Variants in TMEM44 observed in about 807,000 individuals in gnomAD.
TMEM44 encodes transmembrane protein 44.
In TMEM44, 43 loss-of-function variants were observed where a neutral mutation model predicts 47.8. The ratio of observed to expected loss-of-function variants is 0.90; its 90% CI spans 0.70 to 1.16. The LOEUF is 1.16. Ranked by LOEUF, TMEM44 falls within the 50% of genes most tolerant of loss-of-function variation. TMEM44 has a pLI of 0.00. For synonymous variants in TMEM44, 277 were observed against 238.8 expected (o/e 1.16, Z -1.48); for missense variants, 568 against 555.2 (o/e 1.02, Z -0.23).
At chr3:194,623,148 T>C (rs1229223512) in intron 5 of TMEM44, 76 bp downstream of exon 5, 5 of 1,425,642 alleles carry the variant, frequency 3.5e-6, no homozygotes, top group Non-Finnish European at 4.8e-6. Context: ...CTCCGCCCCA[T>C]GACCCTCTCA....
intron 7 of TMEM44, among the ~76,000 whole-genome samples, chr3:194,612,125 T>G (rs1285904388): frequency 6.6e-6 from 1 of 152,200 alleles, no homozygotes; most frequent in Non-Finnish European, 1.5e-5. Flanking sequence ...CCCCCAAATC[T>G]GCATTTCTCA....
chr3:194,606,924 G>T (rs1274310294), intron 8 of TMEM44, among the ~76,000 whole-genome samples: 11 of 131,396 alleles, frequency 8.4e-5, no homozygotes, highest in Middle Eastern at 5.4e-3. Context: ...CTGCACTCCA[G>T]CCTGGGCGAC....
intron 8 of TMEM44, among the ~76,000 whole-genome samples, chr3:194,610,177 T>C (rs1715162517): frequency 1.3e-5 from 2 of 150,900 alleles, no homozygotes; most frequent in South Asian, 2.1e-4. Context: ...GCTGAGATCA[T>C]GCCACTGTAC....
At chr3:194,593,629 C>G (rs965163255) in intron 9 of TMEM44, among the ~76,000 whole-genome samples, 3 of 152,188 alleles carry the variant, frequency 2.0e-5, no homozygotes, top group African/African-American at 7.2e-5. Context: ...GCACCTCCTG[C>G]AGCGCCTGGG....
chr3:194,594,158 TCTA>T (rs1713118593), intron 9 of TMEM44, among the ~76,000 whole-genome samples: 2 of 151,376 alleles, frequency 1.3e-5, no homozygotes, highest in African/African-American at 4.9e-5. Flanking sequence ...TATCTATCTA[TCTA>T]TCTATATCTA....
chr3:194,626,008 G>A lies in TMEM44; in HGVS notation c.265-18C>T, dbSNP rs1157048923. The A allele has an allele frequency of 2.3e-5, 37 of 1,581,712 alleles. No homozygotes were observed. The highest frequency in any genetic ancestry group is 3.0e-5 in the Non-Finnish European group (35 of 1,150,920). On this transcript the variant is annotated intron_variant, in intron 2 of 9. Transcript: ENST00000347147. ...GTGAAAACCTGGGAGCAAACGGGAA[G>A]AGAGTCTTGGCATTCAAGCATCTTT...
intron 1 of TMEM44, 152 bp downstream of exon 1, chr3:194,632,927 C>A: frequency 8.7e-7 from 1 of 1,146,710 alleles, no homozygotes; most frequent in Non-Finnish European, 1.2e-6. Flanking sequence ...GATCCCACTT[C>A]AGTCTACAGA....
At chr3:194,590,603 C>T (rs1300938859) in intron 9 of TMEM44, among the ~76,000 whole-genome samples, 1 of 152,182 alleles carries the variant, frequency 6.6e-6, no homozygotes, top group Non-Finnish European at 1.5e-5. Context: ...GGTTTCTAAG[C>T]TGAGGCCTGA....
At chr3:194,602,164 C>T (rs1333485062) in intron 9 of TMEM44, among the ~76,000 whole-genome samples, 3 of 152,206 alleles carry the variant, frequency 2.0e-5, no homozygotes, top group Non-Finnish European at 4.4e-5. Flanking sequence ...GAATATGAAC[C>T]CAAAGGATGC....
intron 9 of TMEM44, among the ~76,000 whole-genome samples, chr3:194,601,238 G>C (rs1448831005): frequency 6.6e-6 from 1 of 151,312 alleles, no homozygotes; most frequent in African/African-American, 2.4e-5. Flanking sequence ...CCGCCCCTCC[G>C]GGTTCAAACG....
At chr3:194,590,876 G>A (rs934398620) in intron 9 of TMEM44, among the ~76,000 whole-genome samples, 10 of 152,310 alleles carry the variant, frequency 6.6e-5, no homozygotes, top group Non-Finnish European at 1.5e-4. Flanking sequence ...ACAGAAACCT[G>A]TCACTTTGAT....
intron 9 of TMEM44, among the ~76,000 whole-genome samples, chr3:194,591,108 C>G (rs557869994): frequency 6.6e-6 from 1 of 152,128 alleles, no homozygotes; most frequent in Admixed American, 6.5e-5. Context: ...ACAAGAGAAT[C>G]GCTTGAACCT....
At chr3:194,588,727 A>G (rs1001896554) in intron 9 of TMEM44, 88 bp from the exon 10 acceptor site, 1 of 1,304,504 alleles carries the variant, frequency 7.7e-7, no homozygotes, top group Non-Finnish European at 1.1e-6. Context: ...AAAAGCTCCA[A>G]TCTTGGTTCT....
intron 9 of TMEM44, among the ~76,000 whole-genome samples, chr3:194,597,541 T>A (rs948220203): frequency 6.6e-6 from 1 of 150,928 alleles, no homozygotes; most frequent in African/African-American, 2.4e-5. Flanking sequence ...GTGCCTGTAG[T>A]CCCAGCTACT....
At chr3:194,623,445 C>T (rs1716794765) in intron 4 of TMEM44, 84 bp downstream of exon 4, 2 of 1,509,410 alleles carry the variant, frequency 1.3e-6, no homozygotes, top group Non-Finnish European at 1.8e-6. Flanking sequence ...TAACCCCACT[C>T]CCCTAGCCCC....
intron 5 of TMEM44, 60 bp from the exon 6 acceptor site, chr3:194,617,329 C>T (rs938943570): frequency 1.4e-6 from 2 of 1,455,174 alleles, no homozygotes; most frequent in Non-Finnish European, 1.8e-6. Flanking sequence ...ACCCAGGGCC[C>T]TCAGTGGCAC....
intron 5 of TMEM44, among the ~76,000 whole-genome samples, chr3:194,618,282 C>G (rs927262176): frequency 6.6e-5 from 10 of 152,056 alleles, no homozygotes; most frequent in Non-Finnish European, 1.3e-4. Context: ...ACTATTGGTT[C>G]AATAAAAGGA....
intron 5 of TMEM44, among the ~76,000 whole-genome samples, chr3:194,618,579 TTA>T (rs1054640612): frequency 1.3e-5 from 2 of 148,252 alleles, no homozygotes; most frequent in African/African-American, 4.9e-5. Flanking sequence ...ATAATTTAGT[TTA>T]TATATATAAT....
chr3:194,605,190 A>G (rs960360925), intron 8 of TMEM44, among the ~76,000 whole-genome samples: 1 of 152,116 alleles, frequency 6.6e-6, no homozygotes, highest in Non-Finnish European at 1.5e-5. Context: ...CTATCTACCA[A>G]TCTATCTATC....
Sources: gnomAD v4.1 joint callset for allele counts (sites outside exome capture counted in the v4.1 genomes callset) on GRCh38, gnomAD v4.1.1 for gene constraint, MANE v1.5 for transcripts, NCBI Gene and HGNC (gene_info 2026-07-23, HGNC 2026-07-21) for gene names.